Variants in ATAD3B observed in about 807,000 individuals in gnomAD.
ATAD3B encodes the protein ATPase family AAA domain containing 3B, also known as ATPase family AAA domain-containing protein 3B.
Under a neutral mutation model 70.2 loss-of-function variants are expected in ATAD3B, and 59 were observed. The observed-to-expected ratio is 0.84, with a 90% CI of 0.68 to 1.04. The LOEUF is 1.04. Ranked by LOEUF, ATAD3B falls within the 50% of genes least tolerant of loss-of-function variation. The pLI, the probability that ATAD3B is intolerant of heterozygous loss-of-function variation, is 0.00. For synonymous variants in ATAD3B, 423 were observed against 388.6 expected, an observed-to-expected ratio of 1.09 and a Z score of -1.04; for missense variants, 961 against 913.4, an observed-to-expected ratio of 1.05 and a Z score of -0.67.
chr1:1,492,704 C>G (rs771780245), intron 15 of ATAD3B, among the ~76,000 whole-genome samples: 12 of 151,680 alleles, frequency 7.9e-5, no homozygotes, highest in Non-Finnish European at 1.5e-4. Context: ...CTTTGGGAGG[C>G]CGAGGTGGGC....
intron 1 of ATAD3B, 43 bp from the exon 2 acceptor site, chr1:1,477,231 C>A (rs1639637675): frequency 6.2e-7 from 1 of 1,607,640 alleles, no homozygotes; most frequent in Non-Finnish European, 8.5e-7. Flanking sequence ...GCTTTGGTAT[C>A]CGTGTATCCT....
In ATAD3B at chr1:1,479,350, C is replaced by G. The variant is rs1304984623; in HGVS notation, c.444+242C>G. ...TGCCCACACAGACACACACTCCTCG[C>G]ACACACACTCCCGGCAGACAGGCAC... On this transcript the variant is annotated intron_variant, in intron 4 of 15. Transcript: ENST00000673477. Among the ~76,000 whole-genome samples the G allele has an allele frequency of 6.1e-5, 9 of 147,296 alleles. 1 individual carries two copies. Among genetic ancestry groups the G allele is most frequent in the African/African-American group, 2.3e-4 (9 of 39,398 alleles).
intron 7 of ATAD3B, chr1:1,483,118 T>C (rs1458832228): frequency 2.4e-6 from 1 of 422,400 alleles, no homozygotes; most frequent in Non-Finnish European, 4.7e-6. Flanking sequence ...AGTGAAACCC[T>C]GTCTCTACTA....
intron 6 of ATAD3B, 39 bp from the exon 7 acceptor site, chr1:1,482,506 T>C (rs766772141): frequency 1.9e-6 from 3 of 1,613,232 alleles, no homozygotes; most frequent in Non-Finnish European, 2.5e-6. Flanking sequence ...GGTACGGATC[T>C]TCGTGTCCTT....
At position 1,489,289 on chromosome 1, in the gene ATAD3B, C is replaced by T. The variant is rs532249726; in HGVS notation, c.1337+15C>T. On this transcript the variant is annotated intron_variant, in intron 13 of 15. Coordinates refer to ENST00000673477, the MANE Select transcript of ATAD3B (RefSeq NM_031921.6). ...CACAGCAACAAGTGAGGGAGCCCCT[C>T]GGGTCCTGAGCCCCCGGGCAGGGCT... 277 of 1,613,304 alleles carry T rather than the reference C, an allele frequency of 1.7e-4. 5 individuals are homozygous for T. The highest frequency in any genetic ancestry group is 2.0e-4 in the Non-Finnish European group (232 of 1,179,558).
chr1:1,480,261 C>T (rs1488545652), intron 4 of ATAD3B, among the ~76,000 whole-genome samples: 6 of 137,480 alleles, frequency 4.4e-5, no homozygotes, highest in South Asian at 2.4e-4. Flanking sequence ...TGCACACACA[C>T]GCCCTGCACA....
intron 1 of ATAD3B, among the ~76,000 whole-genome samples, chr1:1,475,815 C>G (rs542319630): frequency 6.6e-6 from 1 of 151,128 alleles, no homozygotes; most frequent in East Asian, 2.0e-4. Flanking sequence ...GGGCACCTGA[C>G]CTGCTCTTTC....
chr1:1,509,179 C>T, the ATAD3B span: 19 of 1,610,454 alleles, frequency 1.2e-5, no homozygotes, highest in Middle Eastern at 1.7e-4. Flanking sequence ...ATGGCGGCCT[C>T]CCTCAGCTCC....
Position 1,490,149 on chromosome 1 carries a change from T to G in ATAD3B, c.1338-108T>G, listed in dbSNP as rs955165868. ...GTTTCCTGTGCTCACAAGCTGCCGCTTTAGATTCTCCCAAAAAGTCTCCCC... is the reference window on the plus strand; with the variant it reads ...GTTTCCTGTGCTCACAAGCTGCCGCGTTAGATTCTCCCAAAAAGTCTCCCC... On this transcript the variant is annotated intron_variant, in intron 13 of 15. Transcript: ENST00000673477. 4 of 1,507,198 alleles carry G rather than the reference T, an allele frequency of 2.7e-6. No homozygotes were observed. In the African/African-American group the frequency reaches 4.2e-5, roughly 16 times the overall value. The allele number at this position is 1,507,198 out of a possible 1,614,324, so 93.4% of individuals were successfully genotyped here. A position where few individuals can be genotyped will look rare whatever the true frequency, so the allele number is the denominator to read the frequency against.
At position 1,496,257 on chromosome 1, in the gene ATAD3B, G is replaced by T. The variant is rs984804497; in HGVS notation, c.*440G>T. The T allele has an allele frequency of 3.0e-6, 3 of 993,044 alleles. No individual in the cohort carries two copies. Among genetic ancestry groups the T allele is most frequent in the East Asian group, 2.2e-4 (2 of 9,176 alleles). The allele number at this position is 993,044 out of a possible 1,614,324, so 61.5% of individuals were successfully genotyped here. On this transcript the variant is annotated 3_prime_UTR_variant, in exon 16 of 16. Transcript: ENST00000673477. ...CTCGGGGTTTCAGGGGCGCCCTAGC[G>T]TCCTCCTGGGGTCAAAGGTGACATA... is the stretch of plus-strand genomic sequence containing the variant.
At position 1,473,078 on chromosome 1, in the gene ATAD3B, C is replaced by T. The variant is rs543056885; in HGVS notation, c.205+989C>T. On this transcript the variant is annotated intron_variant, in intron 1 of 15. Transcript: ENST00000673477. The stretch of plus-strand genomic sequence containing the variant: ...GACCTCGTGATCCGCCCGCCTTGTC[C>T]TCCTGAAGTGTTGGGATTACAGGCC... Among the ~76,000 whole-genome samples, 9 of 150,058 alleles carry T rather than the reference C, an allele frequency of 6.0e-5. No individual in the cohort carries two copies. The South Asian group carries it at 1.7e-3, about 28-fold the overall frequency.
chr1:1,487,773 C>T lies in ATAD3B; in HGVS notation c.1215-90C>T, dbSNP rs577666979. The T allele has an allele frequency of 8.2e-5, 124 of 1,504,330 alleles. 6 individuals carry two copies. The South Asian group carries it at 1.3e-3, about 16-fold the overall frequency. 93.2% of individuals were successfully genotyped at this position (1,504,330 alleles called of 1,614,324 possible). ...AGAGCCTGACCCCGTGGGGATCTGCCTGCCTGGCCTGCTCCTGCCGCGGCC... is the reference window on the plus strand; with the variant it reads ...AGAGCCTGACCCCGTGGGGATCTGCTTGCCTGGCCTGCTCCTGCCGCGGCC... On this transcript the variant is annotated intron_variant, in intron 11 of 15. Transcript: ENST00000673477.
At chr1:1,472,970 G>T (rs1397701762) in intron 1 of ATAD3B, among the ~76,000 whole-genome samples, 1 of 150,668 alleles carries the variant, frequency 6.6e-6, no homozygotes, top group African/African-American at 2.4e-5. Flanking sequence ...TTACAGCCGC[G>T]CAGCACCACG....
chr1:1,505,321 G>A, the ATAD3B span, among the ~76,000 whole-genome samples: 1 of 152,162 alleles, frequency 6.6e-6, no homozygotes. Flanking sequence ...GAGACTTTTA[G>A]TACTTTCACT....
At chr1:1,485,905 C>A (rs140078223) in intron 9 of ATAD3B, 67 bp downstream of exon 9, 20,565 of 1,610,094 alleles carry the variant, frequency 0.013, 500 homozygotes, top group African/African-American at 0.038. Context: ...TGGGCTGTGG[C>A]CCTTGCTAGC....
At chr1:1,481,976 T>C (rs1217059409) in intron 5 of ATAD3B, among the ~76,000 whole-genome samples, 162 bp from the exon 6 acceptor site, 1 of 145,404 alleles carries the variant, frequency 6.9e-6, no homozygotes, top group African/African-American at 2.7e-5. Context: ...GTCCGTGGCC[T>C]TAGCCTGTTG....
chr1:1,504,992 T>C, the ATAD3B span, among the ~76,000 whole-genome samples: 1 of 151,812 alleles, frequency 6.6e-6, no homozygotes, highest in South Asian at 2.1e-4. Flanking sequence ...ACAGGTTCGG[T>C]GGGTTTTCTC....
chr1:1,503,557 C>A, the ATAD3B span: 1 of 1,598,394 alleles, frequency 6.3e-7, no homozygotes, highest in African/African-American at 1.3e-5. Flanking sequence ...ATCCTAACAC[C>A]CGCCCTCTGT....
the ATAD3B span, among the ~76,000 whole-genome samples, chr1:1,506,462 T>G: frequency 6.6e-6 from 1 of 151,798 alleles, no homozygotes; most frequent in Non-Finnish European, 1.5e-5. Context: ...TGGAGTGCAG[T>G]CGTCGGCCAG....
Sources: gnomAD v4.1 joint callset for allele counts (sites outside exome capture counted in the v4.1 genomes callset) on GRCh38, gnomAD v4.1.1 for gene constraint, MANE v1.5 for transcripts, NCBI Gene and HGNC (gene_info 2026-07-23, HGNC 2026-07-21) for gene names.